The following TTC28 variants were observed in gnomAD, a reference collection of about 807,000 sequenced individuals.
The protein encoded by TTC28 is tetratricopeptide repeat protein 28.
TTC28 carries 61 observed loss-of-function variants against 198.0 expected under a neutral mutation model. That is an observed-to-expected ratio of 0.31 (90% CI 0.25 to 0.38). The LOEUF (loss-of-function observed/expected upper bound fraction) is 0.38. Ranked by LOEUF, TTC28 falls within the 10% of genes least tolerant of loss-of-function variation. The pLI is 1.00. For missense variants in TTC28, 2,678 were observed against 3,164.0 expected, an observed-to-expected ratio of 0.85 and a Z score of 3.69; for synonymous variants, 1,171 against 1,297.8, an observed-to-expected ratio of 0.90 and a Z score of 2.10.
chr22:28,275,612 C>G (rs1305277281), intron 5 of TTC28, among the ~76,000 whole-genome samples: 1 of 151,978 alleles, frequency 6.6e-6, no homozygotes, highest in African/African-American at 2.4e-5. Flanking sequence ...TGCCCTTTTC[C>G]TCATCTCTTT....
intron 5 of TTC28, among the ~76,000 whole-genome samples, chr22:28,277,263 C>T (rs2044489781): frequency 1.3e-5 from 2 of 152,106 alleles, no homozygotes; most frequent in African/African-American, 2.4e-5. Flanking sequence ...GTGATTTCCT[C>T]GTAGAAAAGG....
intron 2 of TTC28, among the ~76,000 whole-genome samples, chr22:28,331,328 TAAGGAAAA>T (rs1197873942): frequency 1.2e-4 from 19 of 152,180 alleles, no homozygotes; most frequent in Middle Eastern, 3.4e-3. Flanking sequence ...AAAGTATATA[TAAGGAAAA>T]CCTTTTTCCA....
At chr22:28,420,894 C>A (rs894756104) in intron 2 of TTC28, among the ~76,000 whole-genome samples, 1 of 152,126 alleles carries the variant, frequency 6.6e-6, no homozygotes, top group Non-Finnish European at 1.5e-5. Context: ...AGCCATTGCA[C>A]CCAGCCAGAA....
intron 2 of TTC28, among the ~76,000 whole-genome samples, chr22:28,491,743 A>C (rs1012650461): frequency 3.9e-5 from 6 of 152,222 alleles, no homozygotes; most frequent in African/African-American, 1.4e-4. Flanking sequence ...CATTTGACCC[A>C]GCCATCTCAT....
rs1439532799 is a variant in TTC28 at position 28,043,247 on chromosome 22, AAAAAAAAAAAAAAAAAAAAAAAG to A, written c.3933-12904_3933-12882del. 8.2e-4 allele frequency among the ~76,000 whole-genome samples: 100 copies of A among 122,400 alleles called. 1 individual carries two copies. Among genetic ancestry groups the A allele is most frequent in the African/African-American group, 3.2e-3 (98 of 30,328 alleles). The allele number at this position is 122,400 out of a possible 152,430, so 80.3% of individuals were successfully genotyped here. A position where few individuals can be genotyped will look rare whatever the true frequency, so the allele number is the denominator to read the frequency against. ...AACAGAGTAAGACTCCATCTCAAAA[AAAAAAAAAAAAAAAAAAAAAAAG>A]AAAAGATATTGCCTCCCTGATTCAC... On this transcript the variant is annotated intron_variant, in intron 12 of 22. Transcript: ENST00000397906.
intron 2 of TTC28, among the ~76,000 whole-genome samples, chr22:28,533,357 T>C (rs1441530564): frequency 6.6e-6 from 1 of 152,190 alleles, no homozygotes; most frequent in Admixed American, 6.5e-5. Context: ...ACAAGGGATG[T>C]GAAGGGCCTC....
At chr22:28,678,888 C>T (rs1217738857) in intron 1 of TTC28, among the ~76,000 whole-genome samples, 1 of 152,116 alleles carries the variant, frequency 6.6e-6, no homozygotes, top group Non-Finnish European at 1.5e-5. Context: ...TGTTTAAGTT[C>T]AAAATCGGCT....
intron 2 of TTC28, among the ~76,000 whole-genome samples, chr22:28,573,586 T>C (rs1569033919): frequency 6.6e-6 from 1 of 152,170 alleles, no homozygotes; most frequent in Non-Finnish European, 1.5e-5. Flanking sequence ...TAGGTATATA[T>C]ATTTACAGAT....
chr22:28,099,751 A>G (rs563140135), intron 9 of TTC28, among the ~76,000 whole-genome samples: 239 of 152,368 alleles, frequency 1.6e-3, no homozygotes, highest in Non-Finnish European at 2.5e-3. Flanking sequence ...TCATCAGGCA[A>G]CCACAATTCA....
At chr22:28,332,877 A>G (rs1430310764) in intron 2 of TTC28, among the ~76,000 whole-genome samples, 1 of 152,250 alleles carries the variant, frequency 6.6e-6, no homozygotes. Context: ...CAGGCAGTTA[A>G]CTAATTCAGC....
chr22:28,067,175 C>T (rs1162633710), intron 12 of TTC28, among the ~76,000 whole-genome samples: 1 of 152,170 alleles, frequency 6.6e-6, no homozygotes, highest in Non-Finnish European at 1.5e-5. Flanking sequence ...ACAAAAGTTC[C>T]ATGAGATTAA....
intron 13 of TTC28, among the ~76,000 whole-genome samples, chr22:28,020,141 T>C (rs1201588923): frequency 1.3e-5 from 2 of 152,198 alleles, no homozygotes; most frequent in African/African-American, 2.4e-5. Flanking sequence ...GGTGGTGTGA[T>C]GGTGGGTGGC....
intron 6 of TTC28, among the ~76,000 whole-genome samples, chr22:28,150,472 CA>C (rs199623981): frequency 6.6e-6 from 1 of 151,794 alleles, no homozygotes; most frequent in Non-Finnish European, 1.5e-5. Context: ...TTGATTTTCT[CA>C]AAAAAAATCA....
At chr22:28,671,621 C>A (rs918112395) in intron 1 of TTC28, among the ~76,000 whole-genome samples, 2 of 123,752 alleles carry the variant, frequency 1.6e-5, no homozygotes, top group South Asian at 2.5e-4. Flanking sequence ...GGCGACAGAA[C>A]AAGACTCCAT....
intron 5 of TTC28, among the ~76,000 whole-genome samples, chr22:28,257,700 AAGATGGTAAATTTTTACCATCTTT>A (rs1185872646): frequency 2.1e-5 from 3 of 140,738 alleles, no homozygotes; most frequent in Admixed American, 7.3e-5. Flanking sequence ...AAAAATGGTA[AAGATGGTAAATTTTTACCATCTTT>A]AGATGGTAAT....
chr22:28,108,414 G>T lies in TTC28; in HGVS notation c.1442-11C>A. 5.6e-6 allele frequency: 8 copies of T among 1,433,294 alleles called. No homozygotes were observed. The highest frequency in any genetic ancestry group is 7.3e-6 in the Non-Finnish European group (8 of 1,089,790). 88.8% of individuals were successfully genotyped at this position (1,433,294 alleles called of 1,614,324 possible). On this transcript the variant is annotated splice_polypyrimidine_tract_variant and intron_variant, in intron 6 of 22. Transcript: ENST00000397906. Reference sequence around the variant, plus strand: ...TCTGGTGTATGATTCCTGAGAAAGAGAATAAAAGAACAGACTAAGACTGAA... The same window carrying T: ...TCTGGTGTATGATTCCTGAGAAAGATAATAAAAGAACAGACTAAGACTGAA...
chr22:28,644,838 T>C (rs2051430384), intron 1 of TTC28, among the ~76,000 whole-genome samples: 2 of 151,678 alleles, frequency 1.3e-5, no homozygotes, highest in Admixed American at 6.6e-5. Context: ...TTAAACTAAA[T>C]TAAAATTTTT....
chr22:28,112,736 C>G (rs529371960), intron 6 of TTC28, among the ~76,000 whole-genome samples: 3 of 152,164 alleles, frequency 2.0e-5, no homozygotes, highest in African/African-American at 7.2e-5. Flanking sequence ...CCTTTCGAGA[C>G]CACAGCTTGA....
chr22:28,196,509 G>A (rs1185361641), intron 5 of TTC28, among the ~76,000 whole-genome samples: 3 of 151,978 alleles, frequency 2.0e-5, no homozygotes, highest in African/African-American at 4.8e-5. Flanking sequence ...GCACCCTACA[G>A]AATGGGAGAA....
Sources: gnomAD v4.1 joint callset for allele counts (sites outside exome capture counted in the v4.1 genomes callset) on GRCh38, gnomAD v4.1.1 for gene constraint, MANE v1.5 for transcripts, NCBI Gene and HGNC (gene_info 2026-07-23, HGNC 2026-07-21) for gene names.